RBFOX1: variants seen among roughly 807,000 people sequenced by gnomAD.
RBFOX1 encodes RNA binding fox-1 homolog 1, also known as RNA binding protein fox-1 homolog 1.
In RBFOX1, 8 loss-of-function variants were observed where a neutral mutation model predicts 57.7. The observed-to-expected ratio is 0.14, with a 90% CI of 0.08 to 0.25. The LOEUF is 0.25. Ranked by LOEUF, RBFOX1 falls within the 10% of genes least tolerant of loss-of-function variation. The pLI, the probability that RBFOX1 is intolerant of heterozygous loss-of-function variation, is 1.00. For synonymous variants in RBFOX1, 326 were observed against 222.4 expected (o/e 1.47, Z -4.15); for missense variants, 611 against 548.5 (o/e 1.11, Z -1.14).
At chr16:5,466,001 A>G (rs1347121255) in intron 1 of RBFOX1, among the ~76,000 whole-genome samples, 2 of 152,108 alleles carry the variant, frequency 1.3e-5, no homozygotes, top group South Asian at 2.1e-4. Flanking sequence ...TTTTGGGGCA[A>G]TTTCCTTGGC....
intron 2 of RBFOX1, chr16:6,573,797 G>C (rs1447334163): frequency 1.3e-5 from 2 of 152,198 alleles, no homozygotes; most frequent in African/African-American, 4.8e-5. Context: ...GTTCACAGCA[G>C]GCTCTCTCTG....
In RBFOX1 at chr16:6,943,576, C is replaced by T. The variant is rs541902440; in HGVS notation, c.-15-108481C>T. Among the ~76,000 whole-genome samples the T allele has an allele frequency of 4.4e-4, 67 of 152,066 alleles. 2 individuals are homozygous for T. In the South Asian group the frequency reaches 5.6e-3, roughly 13 times the overall value. ...ACAAAAAATTAGCCAGGCGCGGTGG[C>T]GGGTGCCTGTAGTCCCAGCTACTTG... On this transcript the variant is annotated intron_variant, in intron 3 of 15. Transcript: ENST00000550418.
chr16:6,161,309 A>G (rs1441884514), intron 1 of RBFOX1, among the ~76,000 whole-genome samples: 1 of 151,098 alleles, frequency 6.6e-6, no homozygotes, highest in Non-Finnish European at 1.5e-5. Context: ...GAATCGCTTG[A>G]GCCTGGGAGG....
At chr16:5,982,487 G>T (rs2060193940) in intron 4 of RBFOX1, among the ~76,000 whole-genome samples, 1 of 152,002 alleles carries the variant, frequency 6.6e-6, no homozygotes, top group Admixed American at 6.6e-5. Context: ...TGTTGGTCAG[G>T]CTGGTCTTGA....
In RBFOX1 at chr16:6,907,180, C is replaced by T. The variant is rs552273335; in HGVS notation, c.-15-144877C>T. Among the ~76,000 whole-genome samples the T allele has an allele frequency of 9.9e-5, 15 of 152,218 alleles. No individual in the cohort carries two copies. In the South Asian group the frequency reaches 1.0e-3, roughly 11 times the overall value. On this transcript the variant is annotated intron_variant, in intron 3 of 15. Coordinates refer to ENST00000550418, the MANE Select transcript of RBFOX1 (RefSeq NM_018723.4). Reference sequence around the variant, plus strand: ...TTACAACTTGGCAGGGGAGTATGTCCTCCTGGCATCTGTAGGGCAGGGGCC... The same window carrying T: ...TTACAACTTGGCAGGGGAGTATGTCTTCCTGGCATCTGTAGGGCAGGGGCC...
At chr16:6,590,132 G>A (rs966323056) in intron 2 of RBFOX1, among the ~76,000 whole-genome samples, 5 of 152,148 alleles carry the variant, frequency 3.3e-5, no homozygotes, top group Admixed American at 1.3e-4. Context: ...TTTTTTCAGC[G>A]TTAAATACTC....
chr16:6,306,783 A>C (rs866195551), intron 1 of RBFOX1, among the ~76,000 whole-genome samples: 1 of 152,298 alleles, frequency 6.6e-6, no homozygotes. Flanking sequence ...CAGGAATTAA[A>C]AGTTGTCGTT....
At chr16:6,772,999 CAT>C (rs760516422) in intron 3 of RBFOX1, among the ~76,000 whole-genome samples, 237 of 82,730 alleles carry the variant, frequency 2.9e-3, no homozygotes, top group Non-Finnish European at 3.8e-3. Flanking sequence ...GTGTGGGGTG[CAT>C]ATGTGTGTGT....
At chr16:6,885,390 C>G (rs1171988626) in intron 3 of RBFOX1, among the ~76,000 whole-genome samples, 2 of 152,152 alleles carry the variant, frequency 1.3e-5, no homozygotes, top group Non-Finnish European at 2.9e-5. Flanking sequence ...GCTCATGAGT[C>G]AAAACCAAGA....
intron 1 of RBFOX1, among the ~76,000 whole-genome samples, chr16:6,291,965 G>C (rs1037991395): frequency 1.3e-5 from 2 of 152,106 alleles, no homozygotes; most frequent in East Asian, 1.9e-4. Context: ...GTGTGTGTGT[G>C]TGTGTGTACA....
At chr16:5,690,336 A>T (rs972082961) in intron 3 of RBFOX1, among the ~76,000 whole-genome samples, 6 of 152,062 alleles carry the variant, frequency 3.9e-5, no homozygotes, top group African/African-American at 1.4e-4. Context: ...TCAATGTAGA[A>T]CTCCCAAAAG....
rs186889327 is a variant in RBFOX1, at chr16:6,971,607, G to A, written c.-15-80450G>A. Among the ~76,000 whole-genome samples, 20 of 152,148 alleles carry A rather than the reference G, an allele frequency of 1.3e-4. No individual in the cohort carries two copies. The East Asian group carries it at 3.7e-3, about 28-fold the overall frequency. ...GATCACCAGCTGTTACATGGAATAT[G>A]GTGTACTGATTGGGGGCGGAGAATG... is the stretch of plus-strand genomic sequence containing the variant. On this transcript the variant is annotated intron_variant, in intron 3 of 15. Coordinates refer to ENST00000550418, the MANE Select transcript of RBFOX1 (RefSeq NM_018723.4).
intron 4 of RBFOX1, among the ~76,000 whole-genome samples, chr16:7,358,125 T>G (rs2097253192): frequency 6.6e-6 from 1 of 152,168 alleles, no homozygotes; most frequent in Non-Finnish European, 1.5e-5. Context: ...CTGATTAACT[T>G]TCATAACTCA....
intron 2 of RBFOX1, among the ~76,000 whole-genome samples, chr16:6,435,073 A>G (rs1371586390): frequency 6.6e-6 from 1 of 152,200 alleles, no homozygotes; most frequent in East Asian, 1.9e-4. Flanking sequence ...TAATACTGCA[A>G]TACACTCAAT....
intron 4 of RBFOX1, among the ~76,000 whole-genome samples, chr16:5,965,346 T>G (rs1295789524): frequency 2.0e-5 from 3 of 152,232 alleles, no homozygotes; most frequent in African/African-American, 4.8e-5. Context: ...GATATGTTAA[T>G]TAGCTTCATT....
chr16:7,704,732 T>C (rs2081894701), intron 14 of RBFOX1, among the ~76,000 whole-genome samples: 1 of 151,960 alleles, frequency 6.6e-6, no homozygotes, highest in African/African-American at 2.4e-5. Flanking sequence ...GGGGTAGGGA[T>C]GAAGTTGGAA....
At chr16:7,212,407 A>AC (rs1285771638) in intron 4 of RBFOX1, among the ~76,000 whole-genome samples, 1 of 151,900 alleles carries the variant, frequency 6.6e-6, no homozygotes, top group Non-Finnish European at 1.5e-5. Context: ...GTTATTAGCA[A>AC]CCCCTCTTTC....
intron 4 of RBFOX1, among the ~76,000 whole-genome samples, chr16:7,133,298 C>G (rs930540703): frequency 6.6e-6 from 1 of 150,738 alleles, no homozygotes; most frequent in Admixed American, 6.6e-5. Context: ...GGAGAGTACA[C>G]TTGAAAAGCT....
At chr16:5,776,791 G>C (rs540125032) in intron 3 of RBFOX1, among the ~76,000 whole-genome samples, 61 of 152,286 alleles carry the variant, frequency 4.0e-4, no homozygotes, top group Non-Finnish European at 3.7e-4. Context: ...ATGAAGATGT[G>C]TCTACTTTCT....
Sources: allele counts gnomAD v4.1 joint callset (sites outside exome capture counted in the v4.1 genomes callset), GRCh38; gene constraint gnomAD v4.1.1; transcripts MANE v1.5; gene names NCBI Gene and HGNC (gene_info 2026-07-23, HGNC 2026-07-21).